FCER1A: variants seen among roughly 807,000 people sequenced by gnomAD.
FCER1A encodes the protein high affinity immunoglobulin epsilon receptor subunit alpha.
A neutral mutation model predicts 23.6 loss-of-function variants in FCER1A; 24 were observed. The ratio of observed to expected loss-of-function variants is 1.02; its 90% CI spans 0.74 to 1.43. FCER1A has a LOEUF of 1.43. FCER1A is among the 40% of genes most tolerant of loss of function. FCER1A has a pLI of 0.00. For synonymous variants in FCER1A, 121 were observed against 108.8 expected (o/e 1.11, Z -0.70); for missense variants, 318 against 294.5 (o/e 1.08, Z -0.58).
At chr1:159,298,114 G>C (rs1279254047), upstream of FCER1A, among the ~76,000 whole-genome samples, 1 of 152,124 alleles carries the variant, frequency 6.6e-6, no homozygotes, top group African/African-American at 2.4e-5. Flanking sequence ...TTATGGTTCA[G>C]ATTGTACCCT....
chr1:159,304,109 A>G lies in FCER1A; in HGVS notation c.258A>G (p.Glu86=), dbSNP rs375885500. The G allele has an allele frequency of 3.0e-5, 49 of 1,614,008 alleles. 1 individual carries two copies. In the East Asian group the frequency reaches 8.0e-4, roughly 26 times the overall value. ...TGAATATTGTGAATGCCAAATTTGA[A>G]GACAGTGGAGAATACAAATGTCAGC... ...SSLNIVNAKF[E]DSGEYKCQHQ... Residue 86 remains glutamate (E), a synonymous_variant, in exon 3 of 5, where the codon GAA becomes GAG. Transcript: ENST00000693622.
At chr1:159,285,365 T>C (rs1213715995), upstream of FCER1A, among the ~76,000 whole-genome samples, 3 of 152,216 alleles carry the variant, frequency 2.0e-5, no homozygotes, top group Non-Finnish European at 4.4e-5. Context: ...CATTTACTCA[T>C]AGTATCATTA....
upstream of FCER1A, chr1:159,302,168 T>G: frequency 3.4e-6 from 2 of 593,186 alleles, no homozygotes; most frequent in Non-Finnish European, 6.1e-6. Context: ...GGGAGTGGAG[T>G]AAGTGGGTAA....
intron 1 of FCER1A, among the ~76,000 whole-genome samples, chr1:159,294,590 A>T (rs182593074): frequency 5.3e-4 from 81 of 152,280 alleles, no homozygotes; most frequent in African/African-American, 1.9e-3. Context: ...TGTTTTCTCC[A>T]ATAGAAAGTC....
At chr1:159,306,339 C>T (rs1225155492) in intron 4 of FCER1A, 94 bp downstream of exon 4, 14 of 1,217,640 alleles carry the variant, frequency 1.1e-5, no homozygotes, top group Non-Finnish European at 1.2e-5. Context: ...AAGGGGGGCA[C>T]CTGTGATACA....
intron 1 of FCER1A, among the ~76,000 whole-genome samples, chr1:159,290,620 GC>G (rs1172895239): frequency 6.6e-6 from 1 of 152,150 alleles, no homozygotes; most frequent in Non-Finnish European, 1.5e-5. Context: ...TCCTGGCTTT[GC>G]CATTCACTAG....
At chr1:159,298,116 T>C (rs1051604800), upstream of FCER1A, among the ~76,000 whole-genome samples, 2 of 152,202 alleles carry the variant, frequency 1.3e-5, no homozygotes, top group African/African-American at 4.8e-5. Context: ...ATGGTTCAGA[T>C]TGTACCCTTA....
upstream of FCER1A, among the ~76,000 whole-genome samples, chr1:159,301,862 C>T (rs1271034602): frequency 6.6e-6 from 1 of 152,184 alleles, no homozygotes; most frequent in Non-Finnish European, 1.5e-5. Flanking sequence ...AGTTACTTAA[C>T]CTCACTAAGA....
At chr1:159,297,820 C>A (rs1652334310), upstream of FCER1A, among the ~76,000 whole-genome samples, 1 of 152,014 alleles carries the variant, frequency 6.6e-6, no homozygotes, top group African/African-American at 2.4e-5. Context: ...TGGGAGGGAT[C>A]ACTTGAGCCT....
upstream of FCER1A, among the ~76,000 whole-genome samples, chr1:159,286,340 A>T (rs1571072343): frequency 6.7e-6 from 1 of 149,162 alleles, no homozygotes; most frequent in South Asian, 2.1e-4. Context: ...TGTCTAAATC[A>T]TTTTTTTTTT....
chr1:159,303,908 A>G lies in FCER1A; in HGVS notation c.77-20A>G, dbSNP rs199535629. On this transcript the variant is annotated intron_variant, in intron 2 of 4. Coordinates refer to ENST00000693622, the MANE Select transcript of FCER1A (RefSeq NM_001387280.1). The stretch of plus-strand genomic sequence containing the variant: ...TTTTTTTCTCTCTACATGTCTTTTC[A>G]TATTTTTATCTTCTTGAAGTCCCTC... 3.6e-4 allele frequency: 572 copies of G among 1,595,630 alleles called. 2 individuals are homozygous for G. The highest frequency in any genetic ancestry group is 3.0e-3 in the Middle Eastern group (18 of 5,970).
intron 1 of FCER1A, among the ~76,000 whole-genome samples, chr1:159,289,933 T>G (rs957617045): frequency 2.4e-4 from 37 of 152,188 alleles, no homozygotes; most frequent in Admixed American, 8.5e-4. Context: ...TATTCCTGTG[T>G]GAACACTACC....
chr1:159,299,451 C>T (rs569326880), upstream of FCER1A, among the ~76,000 whole-genome samples: 28 of 152,306 alleles, frequency 1.8e-4, no homozygotes, highest in African/African-American at 3.4e-4. Context: ...AAGCCTCTCA[C>T]GCTGGATCCA....
At chr1:159,286,543 A>G (rs1242451278), upstream of FCER1A, among the ~76,000 whole-genome samples, 2 of 152,240 alleles carry the variant, frequency 1.3e-5, no homozygotes, top group African/African-American at 2.4e-5. Context: ...CATGTTAGCC[A>G]GGATGGTCTC....
At chr1:159,304,819 A>G (rs898213669) in intron 3 of FCER1A, among the ~76,000 whole-genome samples, 2 of 152,190 alleles carry the variant, frequency 1.3e-5, no homozygotes, top group African/African-American at 2.4e-5. Flanking sequence ...AGAGCTGTGT[A>G]TCTGGAATAG....
At chr1:159,307,233 G>A (rs896424556) in intron 4 of FCER1A, among the ~76,000 whole-genome samples, 8 of 152,090 alleles carry the variant, frequency 5.3e-5, no homozygotes, top group Admixed American at 2.0e-4. Flanking sequence ...AATATTCTGA[G>A]GCTCTATAAT....
At chr1:159,294,287 C>G (rs1013243065) in intron 1 of FCER1A, among the ~76,000 whole-genome samples, 1 of 152,136 alleles carries the variant, frequency 6.6e-6, no homozygotes, top group African/African-American at 2.4e-5. Context: ...TATTGCGGCA[C>G]TATTCACAAT....
chr1:159,289,286 C>G (rs1652088861), upstream of FCER1A, among the ~76,000 whole-genome samples: 1 of 152,208 alleles, frequency 6.6e-6, no homozygotes, highest in Non-Finnish European at 1.5e-5. Flanking sequence ...CATCAACTAG[C>G]CAGTAGCAGT....
intron 2 of FCER1A, 48 bp from the exon 3 acceptor site, chr1:159,303,880 G>T (rs1557969627): frequency 1.3e-6 from 2 of 1,504,656 alleles, no homozygotes; most frequent in African/African-American, 1.4e-5. Flanking sequence ...AGTTTTCAAT[G>T]ACTTTTTTTC....
Sources: gnomAD v4.1 joint callset for allele counts (sites outside exome capture counted in the v4.1 genomes callset) on GRCh38, gnomAD v4.1.1 for gene constraint, MANE v1.5 for transcripts, NCBI Gene and HGNC (gene_info 2026-07-23, HGNC 2026-07-21) for gene names.